The following OLFM1 variants were observed in gnomAD, a reference collection of about 807,000 sequenced individuals.
OLFM1 encodes the protein noelin.
OLFM1 carries 9 observed loss-of-function variants against 49.7 expected under a neutral mutation model. The ratio of observed to expected loss-of-function variants is 0.18; its 90% CI spans 0.11 to 0.32. The LOEUF (loss-of-function observed/expected upper bound fraction) is 0.32, where lower values mean the gene tolerates loss of function less well. Among genes scored for constraint, OLFM1 ranks in the 10% least tolerant of loss-of-function variants. The pLI, the probability that OLFM1 is intolerant of heterozygous loss-of-function variation, is 1.00. For synonymous variants in OLFM1, 240 were observed against 271.8 expected, an observed-to-expected ratio of 0.88 and a Z score of 1.15; for missense variants, 369 against 661.8, an observed-to-expected ratio of 0.56 and a Z score of 4.85.
At chr9:135,097,718 C>T (rs1297831794) in intron 3 of OLFM1, 12 of 1,325,918 alleles carry the variant, frequency 9.1e-6, no homozygotes, top group Admixed American at 1.7e-5. Context: ...TTCCTGATGG[C>T]TGTCTGTTTC....
intron 1 of OLFM1, chr9:135,076,474 A>C: frequency 7.2e-7 from 1 of 1,392,624 alleles, no homozygotes; most frequent in Non-Finnish European, 9.4e-7. Context: ...ACAATGTATC[A>C]ATAGAGAAAG....
At position 135,080,684 on chromosome 9, in the gene OLFM1, C is replaced by G. The variant is rs1830520825; in HGVS notation, c.96+4882C>G. 6.6e-6 allele frequency among the ~76,000 whole-genome samples: 1 copy of G among 152,182 alleles called. No individual in the cohort carries two copies. Among genetic ancestry groups the G allele is most frequent in the Non-Finnish European group, 1.5e-5 (1 of 68,044 alleles). On this transcript the variant is annotated intron_variant, in intron 1 of 5. Transcript: ENST00000252854. The surrounding 1 kb of genome is among the most constrained non-coding windows in gnomAD (Gnocchi z 4.5). ...GGGTTGTATTTATTACTAAAGTTAT[C>G]AGGCCCTGTAATCAGTATTAACATC...
chr9:135,078,236 C>T (rs544508061), intron 1 of OLFM1, among the ~76,000 whole-genome samples: 1 of 152,320 alleles, frequency 6.6e-6, no homozygotes, highest in South Asian at 2.1e-4. Flanking sequence ...CTCCCGCTTC[C>T]ACTGTAGGTA....
intron 5 of OLFM1, among the ~76,000 whole-genome samples, chr9:135,111,007 T>C (rs1251697076): frequency 6.6e-6 from 1 of 152,174 alleles, no homozygotes; most frequent in Non-Finnish European, 1.5e-5. Flanking sequence ...ATCGTCCAGC[T>C]CTACCCTGAA....
upstream of OLFM1, among the ~76,000 whole-genome samples, chr9:135,085,179 G>A (rs1246860242): frequency 6.6e-6 from 1 of 152,172 alleles, no homozygotes; most frequent in East Asian, 1.9e-4. Context: ...GGAGGGTGGT[G>A]CAGGCTCGTG....
intron 5 of OLFM1, among the ~76,000 whole-genome samples, chr9:135,116,057 C>T (rs1379244234): frequency 6.6e-6 from 1 of 152,164 alleles, no homozygotes; most frequent in Non-Finnish European, 1.5e-5. Context: ...GGGGCCGCCT[C>T]CCCAGAGAGG....
At chr9:135,112,045 T>A (rs1831030769) in intron 5 of OLFM1, among the ~76,000 whole-genome samples, 1 of 152,044 alleles carries the variant, frequency 6.6e-6, no homozygotes, top group Admixed American at 6.6e-5. Flanking sequence ...TTCCTTGGGG[T>A]CATGATCAGA....
chr9:135,095,865 T>C lies in OLFM1; in HGVS notation c.302T>C (p.Val101Ala). The C allele has an allele frequency of 6.2e-7, 1 of 1,612,864 alleles. No homozygotes were observed. The highest frequency in any genetic ancestry group is 8.5e-7 in the Non-Finnish European group (1 of 1,179,358). Residue 101 changes from valine to alanine, a missense_variant and splice_region_variant, in exon 3 of 6, where the codon GTG (valine) becomes GCG (alanine). Physicochemically the swap from Val to Ala is moderately conservative, Grantham distance 64 (BLOSUM62 0). This residue lies in a region of OLFM1 where 294 missense variants were observed against 567.5 expected (regional missense o/e 0.52). Coordinates refer to ENST00000371793, the MANE Select transcript of OLFM1 (RefSeq NM_001282611.2). ...CTGAACCTGTTGCCCTTTTGACAGG[T>C]GCAGAACATGTCTCAATCCATAGAG... Reference protein sequence around the residue: ...TKQLRQLLEKVQNMSQSIEVL... With the variant: ...TKQLRQLLEKAQNMSQSIEVL...
At chr9:135,107,150 GCT>G (rs1830957010) in intron 5 of OLFM1, among the ~76,000 whole-genome samples, 1 of 151,874 alleles carries the variant, frequency 6.6e-6, no homozygotes, top group Non-Finnish European at 1.5e-5. Context: ...GCTGGGCTGG[GCT>G]GGGCTGGGCT....
intron 4 of OLFM1, among the ~76,000 whole-genome samples, chr9:135,101,609 T>C (rs1031277259): frequency 2.0e-5 from 3 of 152,238 alleles, no homozygotes; most frequent in African/African-American, 7.2e-5. Flanking sequence ...AAGGAGGCAG[T>C]TTGCCGGTTC....
chr9:135,079,610 A>G (rs1554751672), intron 1 of OLFM1, among the ~76,000 whole-genome samples: 27 of 152,144 alleles, frequency 1.8e-4, no homozygotes, highest in Non-Finnish European at 3.7e-4. Context: ...GTCTCAAAAA[A>G]AAGAAGAAGA....
intron 1 of OLFM1, among the ~76,000 whole-genome samples, chr9:135,082,167 A>T (rs1830541286): frequency 1.3e-5 from 2 of 152,194 alleles, no homozygotes; most frequent in Non-Finnish European, 2.9e-5. Flanking sequence ...GACAGTTAAA[A>T]TCTGATTGGA....
chr9:135,075,544 G>C (rs1830450910), exon 1 of OLFM1: 1 of 452,508 alleles, frequency 2.2e-6, no homozygotes, highest in African/African-American at 2.1e-5. Flanking sequence ...ATGCAGAGCG[G>C]AGGCTTCGCG....
chr9:135,098,560 C>T lies in OLFM1; in HGVS notation c.676+55C>T. On this transcript the variant is annotated intron_variant, in intron 4 of 5. Coordinates refer to ENST00000371793, the MANE Select transcript of OLFM1 (RefSeq NM_001282611.2). This position sits in a 1 kb window ranked among gnomAD's most constrained non-coding sequence, Gnocchi z 5.6. ...CTGCACTGCCCACCTCCGGCACACG[C>T]ACAGGCTTAGGGAGTGGTGCTGAAG... 2 of 1,508,274 alleles carry T rather than the reference C, an allele frequency of 1.3e-6. No homozygotes were observed. The highest frequency in any genetic ancestry group is 9.2e-7 in the Non-Finnish European group (1 of 1,087,812). The allele number at this position is 1,508,274 out of a possible 1,614,324, so 93.4% of individuals were successfully genotyped here. A position where few individuals can be genotyped will look rare whatever the true frequency, so the allele number is the denominator to read the frequency against.
At chr9:135,116,246 GC>G (rs1831094569) in intron 5 of OLFM1, among the ~76,000 whole-genome samples, 1 of 152,156 alleles carries the variant, frequency 6.6e-6, no homozygotes, top group South Asian at 2.1e-4. Context: ...TTGCATGGGT[GC>G]CTTCCCATTG....
At chr9:135,075,599 G>GT (rs1054172024) in exon 1 of OLFM1, 1 of 657,364 alleles carries the variant, frequency 1.5e-6, no homozygotes, top group African/African-American at 1.9e-5. Flanking sequence ...GAATCCAGGC[G>GT]TGGGGACACG....
In OLFM1 at chr9:135,087,968, G is replaced by T; in HGVS notation, c.-22G>T. The stretch of plus-strand genomic sequence containing the variant: ...GAGCCGGTGCCAGCTCGGAGCGGGC[G>T]CTGGAGGCAGCTCGAGGCGCGATGT... On this transcript the variant is annotated 5_prime_UTR_variant, in exon 1 of 6. Transcript: ENST00000371793. The T allele has an allele frequency of 7.0e-7, 1 of 1,424,044 alleles. No homozygotes were observed. Among genetic ancestry groups the T allele is most frequent in the South Asian group, 1.4e-5 (1 of 70,938 alleles). The allele number at this position is 1,424,044 out of a possible 1,614,324, so 88.2% of individuals were successfully genotyped here.
intron 1 of OLFM1, chr9:135,075,883 C>T: frequency 6.8e-7 from 1 of 1,465,016 alleles, no homozygotes; most frequent in Middle Eastern, 1.8e-4. Flanking sequence ...CCGGGAACGG[C>T]TCTGGCTCCG....
rs750603298 is a variant in OLFM1 at position 135,119,953 on chromosome 9, G to T, written c.1233G>T (p.Thr411=). Residue 411 remains threonine (T), a synonymous_variant, in exon 6 of 6, where the codon ACG becomes ACT. Transcript: ENST00000371793. ...SAGEAFIICG[T]LYVTNGYSGG... is the part of the protein sequence containing the mutation. ...GGGAGGCCTTCATCATCTGCGGCAC[G>T]CTGTACGTCACCAACGGCTACTCAG... The T allele has an allele frequency of 1.2e-6, 2 of 1,613,642 alleles. No homozygotes were observed. The highest frequency in any genetic ancestry group is 2.2e-5 in the South Asian group (2 of 91,088).
Sources: gnomAD v4.1 joint callset for allele counts (sites outside exome capture counted in the v4.1 genomes callset) on GRCh38, gnomAD v4.1.1 for gene constraint, gnomAD v4.1.1 regional missense constraint, Gnocchi (gnomAD v3.1) non-coding constraint, MANE v1.5 for transcripts, NCBI Gene and HGNC (gene_info 2026-07-23, HGNC 2026-07-21) for gene names.